The following DLGAP1 variants were observed in gnomAD, a reference collection of about 807,000 sequenced individuals.
DLGAP1 encodes DLG associated protein 1.
A neutral mutation model predicts 90.8 loss-of-function variants in DLGAP1; 11 were observed. That is an observed-to-expected ratio of 0.12 (90% CI 0.08 to 0.20). DLGAP1 has a LOEUF of 0.20. Ranked by LOEUF, DLGAP1 falls within the 10% of genes least tolerant of loss-of-function variation. The probability of loss-of-function intolerance (pLI) is 1.00; values close to 1 mark genes in which losing one functional copy is unlikely to be tolerated. For synonymous variants in DLGAP1, 558 were observed against 540.7 expected (o/e 1.03, Z -0.44); for missense variants, 1,050 against 1,333.8 (o/e 0.79, Z 3.31).
At position 3,814,196 on chromosome 18, in the gene DLGAP1, G is replaced by C; in HGVS notation, c.1035C>G (p.Gly345=). ...CATCCCCCATGGCCTTGATATAACT[G>C]CCACTCCGCATTCTTCGGCATGGAA... The part of the protein sequence containing the change: ...DEIPCRRMRS[G]SYIKAMGDED... Residue 345 remains glycine, a synonymous_variant, in exon 5 of 13, where the codon GGC becomes GGG. Coordinates refer to ENST00000315677, the MANE Select transcript of DLGAP1 (RefSeq NM_004746.4). 6.2e-7 allele frequency: 1 copy of C among 1,613,944 alleles called. No homozygotes were observed. Among genetic ancestry groups the C allele is most frequent in the Non-Finnish European group, 8.5e-7 (1 of 1,179,990 alleles).
chr18:4,159,486 C>A (rs760134921), intron 1 of DLGAP1, among the ~76,000 whole-genome samples: 23 of 152,148 alleles, frequency 1.5e-4, no homozygotes, highest in Non-Finnish European at 2.9e-4. Context: ...TCCTTCATGA[C>A]CCCACCAAAA....
intron 4 of DLGAP1, among the ~76,000 whole-genome samples, chr18:3,815,883 T>C (rs2067080817): frequency 6.6e-6 from 1 of 152,178 alleles, no homozygotes; most frequent in Non-Finnish European, 1.5e-5. Context: ...GGCTGGTTCT[T>C]GCCCTCAACA....
intron 7 of DLGAP1, among the ~76,000 whole-genome samples, chr18:3,632,581 G>C (rs933912554): frequency 2.0e-5 from 3 of 152,142 alleles, no homozygotes; most frequent in Non-Finnish European, 2.9e-5. Context: ...ACGATTACAG[G>C]TGTGAGCCAT....
chr18:3,566,015 T>C (rs888606700), intron 9 of DLGAP1, among the ~76,000 whole-genome samples: 1 of 152,186 alleles, frequency 6.6e-6, no homozygotes, highest in Non-Finnish European at 1.5e-5. Context: ...TAACATTGTA[T>C]CATGGGAATT....
intron 3 of DLGAP1, among the ~76,000 whole-genome samples, chr18:3,944,141 G>A (rs573122253): frequency 2.0e-5 from 3 of 152,288 alleles, no homozygotes; most frequent in South Asian, 2.1e-4. Context: ...GTGTAGTGAC[G>A]AGATGAGATT....
intron 5 of DLGAP1, among the ~76,000 whole-genome samples, chr18:3,791,515 CGT>C (rs10585847): frequency 1.7e-4 from 25 of 150,146 alleles, no homozygotes; most frequent in African/African-American, 1.9e-4. Flanking sequence ...TGCACATGTG[CGT>C]GTGTGTGTGT....
chr18:4,090,404 A>T (rs1165691986), intron 2 of DLGAP1, among the ~76,000 whole-genome samples: 1 of 152,216 alleles, frequency 6.6e-6, no homozygotes, highest in Non-Finnish European at 1.5e-5. Context: ...TTTACAAGAA[A>T]AAAACCACCC....
At chr18:3,672,502 G>C (rs1418352144) in intron 7 of DLGAP1, among the ~76,000 whole-genome samples, 1 of 143,026 alleles carries the variant, frequency 7.0e-6, no homozygotes, top group Non-Finnish European at 1.5e-5. Context: ...GCTTGAACCT[G>C]GGAGGCAGAG....
chr18:3,792,721 C>G (rs1223092703), intron 5 of DLGAP1, among the ~76,000 whole-genome samples: 1 of 152,182 alleles, frequency 6.6e-6, no homozygotes, highest in Non-Finnish European at 1.5e-5. Context: ...CTTCTTTGGG[C>G]ACCTGTGTCA....
intron 1 of DLGAP1, among the ~76,000 whole-genome samples, chr18:4,166,555 T>C (rs1042245181): frequency 6.6e-6 from 1 of 152,218 alleles, no homozygotes. Context: ...CTTCTGGGTA[T>C]ATACCCAAGA....
At chr18:4,392,338 C>T (rs945940156) in intron 1 of DLGAP1, among the ~76,000 whole-genome samples, 7 of 152,102 alleles carry the variant, frequency 4.6e-5, no homozygotes, top group Non-Finnish European at 8.8e-5. Context: ...GATCTGTTCA[C>T]TTATTGTTTG....
chr18:3,664,115 TG>T (rs2059783142), intron 7 of DLGAP1, among the ~76,000 whole-genome samples: 2 of 151,874 alleles, frequency 1.3e-5, no homozygotes, highest in Non-Finnish European at 2.9e-5. Context: ...TTGGCTCTCC[TG>T]GGTTTCAAGC....
chr18:3,910,813 A>G (rs73940282), intron 3 of DLGAP1, among the ~76,000 whole-genome samples: 4,179 of 152,248 alleles, frequency 0.027, 195 homozygotes, highest in African/African-American at 0.095. Flanking sequence ...ATATAAAAAT[A>G]TTGCAGAAAA....
rs554211362 is a variant in DLGAP1 at position 3,982,279 on chromosome 18, T to A, written c.-73+22837A>T. On this transcript the variant is annotated intron_variant, in intron 3 of 12. Coordinates refer to ENST00000315677, the MANE Select transcript of DLGAP1 (RefSeq NM_004746.4). ...TTTTGTTGTCATTAAAATGTTTATCTCTAAAAGTCACACTGTCTCCACGTC... is the reference window on the plus strand; with the variant it reads ...TTTTGTTGTCATTAAAATGTTTATCACTAAAAGTCACACTGTCTCCACGTC... Among the ~76,000 whole-genome samples the A allele has an allele frequency of 2.0e-5, 3 of 152,180 alleles. No homozygotes were observed. The East Asian group carries it at 5.8e-4, about 29-fold the overall frequency.
chr18:3,653,233 G>A lies in DLGAP1; in HGVS notation c.1592-70985C>T, dbSNP rs2059374398. Reference sequence around the variant, plus strand: ...TGCTGTGAGTGGTTTTTCCTTCCCTGCCATTGGTGCGACTGTTTCCCCCTT... The same window carrying A: ...TGCTGTGAGTGGTTTTTCCTTCCCTACCATTGGTGCGACTGTTTCCCCCTT... On this transcript the variant is annotated intron_variant, in intron 7 of 12. Transcript: ENST00000315677. This position sits in a 1 kb window ranked among gnomAD's most constrained non-coding sequence, Gnocchi z 4.6. Among the ~76,000 whole-genome samples, 1 of 152,080 alleles carries A rather than the reference G, an allele frequency of 6.6e-6. No homozygotes were observed. The highest frequency in any genetic ancestry group is 1.5e-5 in the Non-Finnish European group (1 of 68,004).
At chr18:4,194,729 T>C (rs1465088160) in intron 1 of DLGAP1, among the ~76,000 whole-genome samples, 1 of 152,232 alleles carries the variant, frequency 6.6e-6, no homozygotes, top group Non-Finnish European at 1.5e-5. Context: ...AGTTTTGAAA[T>C]TTTAAGATAC....
chr18:3,753,171 C>T (rs188021596), intron 5 of DLGAP1, among the ~76,000 whole-genome samples: 417 of 152,212 alleles, frequency 2.7e-3, no homozygotes, highest in African/African-American at 9.3e-3. Context: ...AGGCAGGGAA[C>T]GAACAAACTC....
At chr18:4,137,567 C>T (rs1207610255) in intron 2 of DLGAP1, among the ~76,000 whole-genome samples, 2 of 152,100 alleles carry the variant, frequency 1.3e-5, no homozygotes, top group Non-Finnish European at 2.9e-5. Context: ...AATGTGATTC[C>T]TCCAGCTTTG....
At chr18:4,086,270 G>A (rs1224047768) in intron 2 of DLGAP1, among the ~76,000 whole-genome samples, 2 of 152,180 alleles carry the variant, frequency 1.3e-5, no homozygotes, top group African/African-American at 4.8e-5. Context: ...TTTAGATTTA[G>A]TCATTCAATT....
Sources: allele counts gnomAD v4.1 joint callset (sites outside exome capture counted in the v4.1 genomes callset), GRCh38; gene constraint gnomAD v4.1.1; non-coding constraint Gnocchi (gnomAD v3.1); transcripts MANE v1.5; gene names NCBI Gene and HGNC (gene_info 2026-07-23, HGNC 2026-07-21).